Variants in GPC6 observed in about 807,000 individuals in gnomAD.
GPC6 encodes the protein glypican-6.
Under a neutral mutation model 55.2 loss-of-function variants are expected in GPC6, and 14 were observed. That is an observed-to-expected ratio of 0.25 (90% CI 0.17 to 0.40). GPC6 has a LOEUF of 0.40. Among genes scored for constraint, GPC6 ranks in the 10% least tolerant of loss-of-function variants. GPC6 has a pLI of 1.00. For synonymous variants in GPC6, 278 were observed against 259.6 expected, an observed-to-expected ratio of 1.07 and a Z score of -0.68; for missense variants, 641 against 708.5, an observed-to-expected ratio of 0.90 and a Z score of 1.08.
chr13:93,673,049 G>T (rs1881435456), intron 2 of GPC6, among the ~76,000 whole-genome samples: 1 of 152,006 alleles, frequency 6.6e-6, no homozygotes, highest in African/African-American at 2.4e-5. Context: ...TATAGAAAAG[G>T]TTTACTGAAA....
At chr13:94,116,800 A>G (rs1266162690) in intron 4 of GPC6, among the ~76,000 whole-genome samples, 1 of 152,096 alleles carries the variant, frequency 6.6e-6, no homozygotes, top group Non-Finnish European at 1.5e-5. Context: ...TGAAGATGAC[A>G]GCAATTAAAA....
intron 2 of GPC6, among the ~76,000 whole-genome samples, chr13:93,751,294 A>G (rs72643137): frequency 0.03 from 4,541 of 152,200 alleles, 88 homozygotes; most frequent in Non-Finnish European, 0.044. Context: ...CTCACCACCA[A>G]TAGTAGCTAG....
intron 3 of GPC6, among the ~76,000 whole-genome samples, chr13:94,007,163 AC>A (rs1411889881): frequency 1.3e-5 from 2 of 152,210 alleles, no homozygotes; most frequent in Admixed American, 1.3e-4. Flanking sequence ...GTCATCTGAC[AC>A]GAGTGGTTAC....
chr13:93,813,271 G>A (rs1886752994), intron 2 of GPC6, among the ~76,000 whole-genome samples: 1 of 152,084 alleles, frequency 6.6e-6, no homozygotes, highest in Admixed American at 6.6e-5. Context: ...ACAAAAATTA[G>A]CAGAGCATGG....
chr13:94,120,482 G>A (rs1461910206), intron 4 of GPC6, among the ~76,000 whole-genome samples: 1 of 151,798 alleles, frequency 6.6e-6, no homozygotes, highest in African/African-American at 2.4e-5. Context: ...GGATTAAGTT[G>A]GGATGCATCT....
At chr13:93,815,131 G>A (rs979802708) in intron 2 of GPC6, among the ~76,000 whole-genome samples, 4 of 152,100 alleles carry the variant, frequency 2.6e-5, no homozygotes, top group African/African-American at 9.7e-5. Flanking sequence ...AAACAATGCT[G>A]ATTGCTGATG....
intron 1 of GPC6, among the ~76,000 whole-genome samples, chr13:93,301,401 T>C (rs1393630504): frequency 6.6e-6 from 1 of 152,158 alleles, no homozygotes; most frequent in Non-Finnish European, 1.5e-5. Flanking sequence ...CTAGGAGAGG[T>C]GAGAAGAGAG....
chr13:93,965,959 G>T (rs759618035), intron 3 of GPC6, among the ~76,000 whole-genome samples: 2 of 152,070 alleles, frequency 1.3e-5, no homozygotes, highest in Admixed American at 6.6e-5. Context: ...CCCTCTTCCC[G>T]CAGCCCAGCA....
chr13:94,025,412 T>G (rs1310757447), intron 3 of GPC6: 1 of 151,900 alleles, frequency 6.6e-6, no homozygotes, highest in East Asian at 1.9e-4. Flanking sequence ...TTTTCCTGTT[T>G]TTTTTTTTTT....
At chr13:94,189,023 T>A (rs1237480177) in intron 4 of GPC6, among the ~76,000 whole-genome samples, 1 of 152,162 alleles carries the variant, frequency 6.6e-6, no homozygotes, top group African/African-American at 2.4e-5. Flanking sequence ...ATTGTTGTTA[T>A]AGGGATTCCT....
At chr13:93,560,740 TG>T (rs1875737811) in intron 2 of GPC6, among the ~76,000 whole-genome samples, 1 of 144,748 alleles carries the variant, frequency 6.9e-6, no homozygotes, top group African/African-American at 2.6e-5. Flanking sequence ...CACTCCAGCC[TG>T]GGCGACAGAG....
chr13:93,677,548 G>T (rs1415594529), intron 2 of GPC6, among the ~76,000 whole-genome samples: 1 of 151,970 alleles, frequency 6.6e-6, no homozygotes, highest in Non-Finnish European at 1.5e-5. Context: ...TGGCAATCTG[G>T]GAACAATATA....
intron 2 of GPC6, among the ~76,000 whole-genome samples, chr13:93,635,437 G>C (rs1380780040): frequency 1.3e-5 from 2 of 152,078 alleles, no homozygotes; most frequent in Admixed American, 1.3e-4. Context: ...CCTATTTAGA[G>C]TAGAAGATGG....
At chr13:93,424,216 G>T (rs1291268159) in intron 1 of GPC6, among the ~76,000 whole-genome samples, 1 of 152,072 alleles carries the variant, frequency 6.6e-6, no homozygotes. Flanking sequence ...CCCTCAGCTG[G>T]TGTCACCTCT....
chr13:93,691,935 A>G (rs1022018047), intron 2 of GPC6, among the ~76,000 whole-genome samples: 4 of 152,076 alleles, frequency 2.6e-5, no homozygotes, highest in Non-Finnish European at 5.9e-5. Context: ...CAACTAATAT[A>G]TATACTTCAG....
chr13:94,086,893 T>C (rs1885303175), intron 4 of GPC6, among the ~76,000 whole-genome samples: 1 of 152,222 alleles, frequency 6.6e-6, no homozygotes, highest in African/African-American at 2.4e-5. Context: ...CATGTGTCTT[T>C]ATTTGGCAGA....
At chr13:93,699,835 CT>C (rs2138792919) in intron 2 of GPC6, among the ~76,000 whole-genome samples, 1 of 152,158 alleles carries the variant, frequency 6.6e-6, no homozygotes, top group Admixed American at 6.6e-5. Context: ...CTATCACACT[CT>C]TTTTTTCTTC....
chr13:94,125,348 A>C (rs74105732), intron 4 of GPC6, among the ~76,000 whole-genome samples: 2,790 of 152,204 alleles, frequency 0.018, 45 homozygotes, highest in South Asian at 0.081. Flanking sequence ...TAGATGCTTT[A>C]AGTATCAGAA....
chr13:93,869,265 A>G (rs1889057558), intron 3 of GPC6, among the ~76,000 whole-genome samples: 1 of 151,818 alleles, frequency 6.6e-6, no homozygotes, highest in Admixed American at 6.6e-5. Flanking sequence ...TAGAACATTG[A>G]TGACCTTTGA....
Sources: gnomAD v4.1 joint callset for allele counts (sites outside exome capture counted in the v4.1 genomes callset) on GRCh38, gnomAD v4.1.1 for gene constraint, MANE v1.5 for transcripts, NCBI Gene and HGNC (gene_info 2026-07-23, HGNC 2026-07-21) for gene names.